The following FHOD3 variants were observed in gnomAD, a reference collection of about 807,000 sequenced individuals.
FHOD3 encodes the protein formin homology 2 domain containing 3.
FHOD3 carries 90 observed loss-of-function variants against 173.0 expected under a neutral mutation model. That is an observed-to-expected ratio of 0.52 (90% confidence interval 0.44 to 0.62). The LOEUF is 0.62. Ranked by LOEUF, FHOD3 falls within the 20% of genes least tolerant of loss-of-function variation. FHOD3 has a pLI of 0.00. For missense variants in FHOD3, 1,945 were observed against 2,034.7 expected, an observed-to-expected ratio of 0.96 and a Z score of 0.85; for synonymous variants, 828 against 823.0, an observed-to-expected ratio of 1.01 and a Z score of -0.10.
At chr18:36,298,318 G>T (rs1359729703) in intron 1 of FHOD3, among the ~76,000 whole-genome samples, 1 of 152,172 alleles carries the variant, frequency 6.6e-6, no homozygotes, top group Non-Finnish European at 1.5e-5. Context: ...CCGGGTGGGC[G>T]GGGTGGGGCT....
chr18:36,397,012 C>T (rs1243609653), intron 3 of FHOD3, among the ~76,000 whole-genome samples: 1 of 152,136 alleles, frequency 6.6e-6, no homozygotes, highest in Non-Finnish European at 1.5e-5. Context: ...TATATTACTG[C>T]TCCACTATTT....
At chr18:36,615,812 A>G (rs958641595) in intron 9 of FHOD3, among the ~76,000 whole-genome samples, 1 of 152,252 alleles carries the variant, frequency 6.6e-6, no homozygotes, top group Admixed American at 6.5e-5. Context: ...GGAGAGAGTG[A>G]TGTATAACTC....
intron 8 of FHOD3, among the ~76,000 whole-genome samples, chr18:36,609,105 A>G (rs913193838): frequency 7.9e-5 from 12 of 152,274 alleles, no homozygotes; most frequent in African/African-American, 2.9e-4. Flanking sequence ...TACTTGTCAC[A>G]GGCCTTGTCA....
At chr18:36,383,438 GAC>G (rs1412030743) in intron 3 of FHOD3, among the ~76,000 whole-genome samples, 1 of 152,126 alleles carries the variant, frequency 6.6e-6, no homozygotes, top group Non-Finnish European at 1.5e-5. Flanking sequence ...TTATCGTCCT[GAC>G]ACATACATTA....
At chr18:36,701,654 C>T (rs17748133) in intron 17 of FHOD3, among the ~76,000 whole-genome samples, 16,428 of 152,098 alleles carry the variant, frequency 0.11, 1,113 homozygotes, top group Non-Finnish European at 0.14. Context: ...TGCCCCTTGT[C>T]GTATGAACAA....
intron 3 of FHOD3, among the ~76,000 whole-genome samples, chr18:36,456,801 A>T (rs2052245796): frequency 6.6e-6 from 1 of 152,130 alleles, no homozygotes; most frequent in African/African-American, 2.4e-5. Flanking sequence ...AAGCAGGACC[A>T]CACAGCTGAG....
At chr18:36,611,441 G>A (rs149561964) in intron 8 of FHOD3, among the ~76,000 whole-genome samples, 235 of 152,260 alleles carry the variant, frequency 1.5e-3, no homozygotes, top group Non-Finnish European at 2.3e-3. Flanking sequence ...CCTCTTCCAG[G>A]CCTATGTAGT....
intron 1 of FHOD3, among the ~76,000 whole-genome samples, chr18:36,332,282 C>T (rs1051685791): frequency 1.3e-5 from 2 of 152,290 alleles, no homozygotes; most frequent in Middle Eastern, 3.4e-3. Flanking sequence ...GGGATGTAGG[C>T]GGCACCTTGC....
intron 1 of FHOD3, among the ~76,000 whole-genome samples, chr18:36,312,434 C>T (rs985161322): frequency 6.6e-6 from 1 of 152,176 alleles, no homozygotes; most frequent in Non-Finnish European, 1.5e-5. Flanking sequence ...AAATACCCAG[C>T]TGCCCTTTGA....
At chr18:36,389,183 A>AAAG (rs565339213) in intron 3 of FHOD3, among the ~76,000 whole-genome samples, 3 of 152,090 alleles carry the variant, frequency 2.0e-5, no homozygotes, top group Admixed American at 1.3e-4. Flanking sequence ...CTTCAAAAAA[A>AAAG]AAGAAGAAGA....
At chr18:36,458,207 G>A (rs1186950708) in intron 3 of FHOD3, among the ~76,000 whole-genome samples, 1 of 152,120 alleles carries the variant, frequency 6.6e-6, no homozygotes, top group East Asian at 1.9e-4. Context: ...CAAACTCACC[G>A]GAATGACTCT....
At chr18:36,727,484 C>T (rs1296165494) in intron 19 of FHOD3, among the ~76,000 whole-genome samples, 1 of 152,148 alleles carries the variant, frequency 6.6e-6, no homozygotes, top group Non-Finnish European at 1.5e-5. Context: ...CACCTTTTTG[C>T]TAAAATCTAG....
chr18:36,594,946 G>A (rs1054039030), intron 7 of FHOD3, 48 bp downstream of exon 7: 6 of 1,233,740 alleles, frequency 4.9e-6, no homozygotes, highest in Admixed American at 3.7e-5. Context: ...GGTGTCTAAT[G>A]TAGGGAGGCT....
intron 18 of FHOD3, 28 bp downstream of exon 18, chr18:36,709,419 C>T (rs2040049684): frequency 1.7e-5 from 27 of 1,595,006 alleles, no homozygotes; most frequent in East Asian, 2.2e-5. Flanking sequence ...TTTCAGTCGG[C>T]ATGTGCCAGG....
rs1316354271 is a variant in FHOD3, at chr18:36,297,991, G to A, written c.156G>A (p.Ala52=). Reference sequence around the variant, plus strand: ...CGGGGGTCCATAGGCTGCTGCAGGCGCCGCACAAGGTACGACCCGGCGGGG... The same window carrying A: ...CGGGGGTCCATAGGCTGCTGCAGGCACCGCACAAGGTACGACCCGGCGGGG... ...QLAGVHRLLQ[A]PHKLDDCTLQ... is the part of the protein sequence containing the mutation. The change falls in exon 1 of 29, where the codon GCG becomes GCA. Residue 52 remains alanine, a synonymous_variant. Transcript: ENST00000590592. 1 of 1,548,482 alleles carries A rather than the reference G, an allele frequency of 6.5e-7. No individual in the cohort carries two copies. Among genetic ancestry groups the A allele is most frequent in the Non-Finnish European group, 8.7e-7 (1 of 1,149,316 alleles).
intron 5 of FHOD3, among the ~76,000 whole-genome samples, chr18:36,574,813 GT>G (rs2058585996): frequency 6.6e-6 from 1 of 151,958 alleles, no homozygotes; most frequent in South Asian, 2.1e-4. Flanking sequence ...TATCTCTAGT[GT>G]TTTACCATTA....
chr18:36,565,686 T>A (rs1161818205), intron 5 of FHOD3, among the ~76,000 whole-genome samples: 1 of 152,236 alleles, frequency 6.6e-6, no homozygotes, highest in Non-Finnish European at 1.5e-5. Flanking sequence ...TCCAGTCACA[T>A]TCTCAAATGG....
At chr18:36,393,494 C>T (rs2048401824) in intron 3 of FHOD3, among the ~76,000 whole-genome samples, 1 of 152,088 alleles carries the variant, frequency 6.6e-6, no homozygotes, top group African/African-American at 2.4e-5. Context: ...CTAGACATTG[C>T]CGAATGTCCC....
intron 3 of FHOD3, among the ~76,000 whole-genome samples, chr18:36,490,910 G>A (rs1439322456): frequency 6.6e-6 from 1 of 152,210 alleles, no homozygotes; most frequent in Non-Finnish European, 1.5e-5. Flanking sequence ...TAGGAACTCA[G>A]AGTAGATACA....
Sources: gnomAD v4.1 joint callset for allele counts (sites outside exome capture counted in the v4.1 genomes callset) on GRCh38, gnomAD v4.1.1 for gene constraint, MANE v1.5 for transcripts, NCBI Gene and HGNC (gene_info 2026-07-23, HGNC 2026-07-21) for gene names.